Variants in SYNPR observed in about 807,000 individuals in gnomAD.
SYNPR encodes synaptoporin.
In SYNPR, 23 loss-of-function variants were observed where a neutral mutation model predicts 32.9. The ratio of observed to expected loss-of-function variants is 0.70; its 90% confidence interval spans 0.50 to 0.99. SYNPR has a LOEUF of 0.99. Ranked by LOEUF, SYNPR falls within the 50% of genes least tolerant of loss-of-function variation. The pLI is 0.00. For missense variants in SYNPR, 318 were observed against 349.3 expected, an observed-to-expected ratio of 0.91 and a Z score of 0.71; for synonymous variants, 146 against 135.9, an observed-to-expected ratio of 1.07 and a Z score of -0.52.
chr3:63,242,310 G>A (rs972804306), intron 1 of SYNPR, among the ~76,000 whole-genome samples: 3 of 151,940 alleles, frequency 2.0e-5, no homozygotes, highest in Non-Finnish European at 4.4e-5. Flanking sequence ...TGTACCGAGA[G>A]GGTACCCCAG....
intron 2 of SYNPR, among the ~76,000 whole-genome samples, chr3:63,471,854 G>A (rs1351655257): frequency 6.6e-6 from 1 of 152,198 alleles, no homozygotes; most frequent in Non-Finnish European, 1.5e-5. Context: ...ATGAGCTGTT[G>A]AATTGTGAAG....
the SYNPR span, among the ~76,000 whole-genome samples, chr3:63,208,765 T>C: frequency 6.6e-6 from 1 of 152,206 alleles, no homozygotes; most frequent in Non-Finnish European, 1.5e-5. Context: ...AGAGACCATG[T>C]CTTTCAAAGT....
chr3:63,531,566 G>A (rs539043066), intron 3 of SYNPR, among the ~76,000 whole-genome samples: 4 of 152,136 alleles, frequency 2.6e-5, no homozygotes, highest in Admixed American at 1.3e-4. Context: ...CAATGACCTC[G>A]CTTCCATATA....
intron 2 of SYNPR, chr3:63,330,000 T>TC (rs145286138): frequency 0.023 from 3,433 of 152,382 alleles, 131 homozygotes; most frequent in African/African-American, 0.078. Flanking sequence ...GGTCTGGACA[T>TC]CCCTGCAGGT....
At chr3:63,550,332 T>C (rs1409355402) in intron 3 of SYNPR, among the ~76,000 whole-genome samples, 2 of 151,772 alleles carry the variant, frequency 1.3e-5, no homozygotes, top group African/African-American at 2.4e-5. Flanking sequence ...CAGTTACATA[T>C]ACGTGTGTGT....
chr3:63,465,623 A>G lies in SYNPR; in HGVS notation c.85-15209A>G, dbSNP rs139280834. ...CTTTGTTGTCTAGCCAAAAATAATT[A>G]CCTCACAGGCAATGTTGTTCCTTTT... On this transcript the variant is annotated intron_variant, in intron 2 of 5. Coordinates refer to ENST00000478300, the MANE Select transcript of SYNPR (RefSeq NM_001130003.2). 6.8e-3 allele frequency among the ~76,000 whole-genome samples: 1,032 copies of G among 152,222 alleles called. 8 individuals are homozygous for G. The highest frequency in any genetic ancestry group is 0.023 in the African/African-American group (963 of 41,536).
At chr3:63,265,035 G>T (rs1037997608) in intron 2 of SYNPR, among the ~76,000 whole-genome samples, 2 of 151,954 alleles carry the variant, frequency 1.3e-5, no homozygotes, top group Admixed American at 6.6e-5. Context: ...ATATCACTCA[G>T]TTCTACCCTA....
At chr3:63,315,434 T>C (rs2087030142) in intron 2 of SYNPR, among the ~76,000 whole-genome samples, 1 of 152,130 alleles carries the variant, frequency 6.6e-6, no homozygotes, top group Non-Finnish European at 1.5e-5. Context: ...GTGGTTTTCC[T>C]TGTAGAGGAC....
chr3:63,248,890 A>G (rs1241908787), intron 1 of SYNPR, among the ~76,000 whole-genome samples: 3 of 152,092 alleles, frequency 2.0e-5, no homozygotes, highest in African/African-American at 4.8e-5. Flanking sequence ...CAGTGTGAAG[A>G]TATGATAACA....
intron 2 of SYNPR, among the ~76,000 whole-genome samples, chr3:63,422,082 G>A (rs910789969): frequency 1.2e-4 from 18 of 152,256 alleles, no homozygotes; most frequent in African/African-American, 4.3e-4. Flanking sequence ...AGTGAGTGTT[G>A]TATCATTATT....
At chr3:63,299,078 T>A (rs1041821974) in intron 2 of SYNPR, among the ~76,000 whole-genome samples, 1 of 152,122 alleles carries the variant, frequency 6.6e-6, no homozygotes, top group African/African-American at 2.4e-5. Flanking sequence ...TGAGCTTATA[T>A]TAAAAAAATA....
At chr3:63,523,682 C>T (rs1277497773) in intron 3 of SYNPR, among the ~76,000 whole-genome samples, 1 of 152,078 alleles carries the variant, frequency 6.6e-6, no homozygotes, top group Admixed American at 6.6e-5. Flanking sequence ...TGTGTCTCTG[C>T]CAGGCAGAAA....
At chr3:63,299,187 T>C (rs1272852192) in intron 2 of SYNPR, among the ~76,000 whole-genome samples, 1 of 152,072 alleles carries the variant, frequency 6.6e-6, no homozygotes, top group South Asian at 2.1e-4. Flanking sequence ...TGGAAAGAAT[T>C]GGAGTTATCA....
intron 2 of SYNPR, among the ~76,000 whole-genome samples, chr3:63,302,701 T>C (rs1468888879): frequency 1.3e-5 from 2 of 152,068 alleles, no homozygotes; most frequent in African/African-American, 2.4e-5. Flanking sequence ...ATTTAACATG[T>C]CTTTAAATGT....
intron 2 of SYNPR, among the ~76,000 whole-genome samples, chr3:63,297,096 T>A (rs991344832): frequency 5.3e-5 from 8 of 152,170 alleles, no homozygotes; most frequent in Non-Finnish European, 1.0e-4. Flanking sequence ...ATGCATCTGG[T>A]TTTCAAGGGG....
chr3:63,258,633 T>C (rs978153129), intron 2 of SYNPR, among the ~76,000 whole-genome samples: 2 of 151,980 alleles, frequency 1.3e-5, no homozygotes, highest in African/African-American at 2.4e-5. Context: ...AGATCTAAAA[T>C]TGACACCCTA....
At chr3:63,304,279 T>C (rs1202194372) in intron 2 of SYNPR, among the ~76,000 whole-genome samples, 1 of 151,848 alleles carries the variant, frequency 6.6e-6, no homozygotes, top group Non-Finnish European at 1.5e-5. Flanking sequence ...CTGATTCTAG[T>C]CCAGCTCCCC....
chr3:63,517,435 T>TAGAGAACA (rs1701821121), intron 3 of SYNPR, among the ~76,000 whole-genome samples: 1 of 152,116 alleles, frequency 6.6e-6, no homozygotes, highest in Non-Finnish European at 1.5e-5. Context: ...TAAGTGAATT[T>TAGAGAACA]GTACTGAAAA....
intron 2 of SYNPR, among the ~76,000 whole-genome samples, chr3:63,335,599 C>A (rs2087281999): frequency 6.6e-6 from 1 of 152,000 alleles, no homozygotes; most frequent in African/African-American, 2.4e-5. Flanking sequence ...TTCCTCTGAT[C>A]TTGGTAGCCT....
Sources: allele counts gnomAD v4.1 joint callset (sites outside exome capture counted in the v4.1 genomes callset), GRCh38; gene constraint gnomAD v4.1.1; transcripts MANE v1.5; gene names NCBI Gene and HGNC (gene_info 2026-07-23, HGNC 2026-07-21).